Variants in BANP observed in about 807,000 individuals in gnomAD.
The protein encoded by BANP is protein BANP.
BANP carries 11 observed loss-of-function variants against 68.1 expected under a neutral mutation model. The ratio of observed to expected loss-of-function variants is 0.16; its 90% CI spans 0.10 to 0.27. The LOEUF is 0.27. Ranked by LOEUF, BANP falls within the 10% of genes least tolerant of loss-of-function variation. The probability of loss-of-function intolerance (pLI) is 1.00; values close to 1 mark genes in which losing one functional copy is unlikely to be tolerated. For synonymous variants in BANP, 329 were observed against 303.2 expected (o/e 1.09, Z -0.88); for missense variants, 504 against 722.7 (o/e 0.70, Z 3.47).
intron 4 of BANP, among the ~76,000 whole-genome samples, chr16:87,991,564 T>C (rs530757903): frequency 6.6e-6 from 1 of 152,246 alleles, no homozygotes; most frequent in Non-Finnish European, 1.5e-5. Context: ...GTCTTTAATT[T>C]CTCTTAGCAA....
chr16:88,035,229 C>G, intron 9 of BANP, 94 bp from the exon 10 acceptor site: 2 of 1,142,404 alleles, frequency 1.8e-6, no homozygotes, highest in Middle Eastern at 5.6e-4. Flanking sequence ...GAATTGTAAA[C>G]AGATAATCAA....
At chr16:88,015,228 C>T (rs889185149) in intron 6 of BANP, among the ~76,000 whole-genome samples, 1 of 149,198 alleles carries the variant, frequency 6.7e-6, no homozygotes, top group African/African-American at 2.5e-5. Context: ...GTGCCCTCTG[C>T]CTGTGCCCCT....
At chr16:88,060,927 C>T (rs970695682) in intron 11 of BANP, among the ~76,000 whole-genome samples, 2 of 150,328 alleles carry the variant, frequency 1.3e-5, no homozygotes, top group Non-Finnish European at 3.0e-5. Flanking sequence ...CCACAGGCCT[C>T]GGGGTGACTT....
At chr16:88,041,025 G>A (rs1224766140) in intron 11 of BANP, among the ~76,000 whole-genome samples, 4 of 152,236 alleles carry the variant, frequency 2.6e-5, no homozygotes, top group South Asian at 4.1e-4. Flanking sequence ...CCGGCCATCC[G>A]TTTTCCGTCA....
chr16:88,030,347 C>T (rs1267002559), intron 8 of BANP, among the ~76,000 whole-genome samples: 1 of 152,114 alleles, frequency 6.6e-6, no homozygotes, highest in Non-Finnish European at 1.5e-5. Flanking sequence ...AGGAACATAG[C>T]AAGGAGAGAA....
At position 88,004,307 on chromosome 16, in the gene BANP, G is replaced by T; in HGVS notation, c.375G>T (p.Gln125His). 2 of 1,545,120 alleles carry T rather than the reference G, an allele frequency of 1.3e-6. No homozygotes were observed. Among genetic ancestry groups the T allele is most frequent in the Non-Finnish European group, 1.8e-6 (2 of 1,141,706 alleles). Residue 125 changes from glutamine to histidine, a missense_variant, in exon 5 of 14, where the codon CAG (glutamine) becomes CAT (histidine). Gln to His is a conservative substitution (Grantham distance 24). This residue lies in a region of BANP where 238 missense variants were observed against 278.9 expected (regional missense o/e 0.85). Transcript: ENST00000682872. The surrounding 1 kb of genome is among the most constrained non-coding windows in gnomAD (Gnocchi z 7.0). ...TCNKVRCVVP[Q>H]TTVILNNDRQ... ...TTTTGTTCCCTAGCGTCGTCCCCCA[G>T]ACTACAGTAATACTCAACAATGATC...
At chr16:88,075,747 T>A (rs1311573286) in intron 13 of BANP, among the ~76,000 whole-genome samples, 1 of 23,620 alleles carries the variant, frequency 4.2e-5, no homozygotes, top group Non-Finnish European at 1.3e-4. Context: ...TTTCCTTTAC[T>A]TTTTTTTTTT....
chr16:87,984,365 G>A (rs1190254976), intron 4 of BANP, 106 bp downstream of exon 4: 18 of 1,254,918 alleles, frequency 1.4e-5, no homozygotes, highest in Middle Eastern at 5.1e-4. Flanking sequence ...GGAGATGCGC[G>A]GTGTCTGCCT....
At chr16:88,049,928 T>C (rs979123168) in intron 11 of BANP, among the ~76,000 whole-genome samples, 4 of 152,220 alleles carry the variant, frequency 2.6e-5, no homozygotes, top group African/African-American at 9.7e-5. Context: ...GGGATTTAGA[T>C]TACATACAGC....
intron 1 of BANP, among the ~76,000 whole-genome samples, chr16:87,955,904 C>G (rs2057953241): frequency 6.6e-6 from 1 of 152,206 alleles, no homozygotes; most frequent in Admixed American, 6.5e-5. Flanking sequence ...GCCAGTGCGT[C>G]TCAAGTGTCC....
intron 7 of BANP, among the ~76,000 whole-genome samples, chr16:88,021,240 G>A (rs2075974733): frequency 1.3e-5 from 2 of 152,278 alleles, no homozygotes; most frequent in Non-Finnish European, 2.9e-5. Context: ...CCACTGGCCC[G>A]GCCTCCCCAG....
intron 11 of BANP, among the ~76,000 whole-genome samples, chr16:88,054,907 G>A (rs1204417197): frequency 2.0e-5 from 3 of 152,184 alleles, no homozygotes; most frequent in Non-Finnish European, 4.4e-5. Flanking sequence ...GGTTTGAACA[G>A]TTAGTACCAA....
intron 8 of BANP, among the ~76,000 whole-genome samples, chr16:88,031,107 T>C (rs1403300848): frequency 6.6e-6 from 1 of 152,144 alleles, no homozygotes; most frequent in Admixed American, 6.5e-5. Context: ...TGGTGGTGAG[T>C]GCTCCGTAAC....
intron 10 of BANP, chr16:88,037,135 GGAAAATTGAAACA>G (rs2079562585): frequency 6.6e-6 from 1 of 152,120 alleles, no homozygotes; most frequent in South Asian, 2.1e-4. Context: ...TGAAAATGCA[GGAAAATTGAAACA>G]GCAGCAAAAG....
At position 88,072,119 on chromosome 16, in the gene BANP, G is replaced by A. The variant is rs8050209; in HGVS notation, c.1428G>A (p.Ala476=). ...CCGTGGCCTCCTCGGACCCCGCGGC[G>A]GCGGGCGTGGATGGGTCGCCACTCC... ...LIAVASSDPA[A]AGVDGSPLQG... Residue 476 remains alanine, a synonymous_variant, in exon 13 of 14, where the codon GCG becomes GCA. Coordinates refer to ENST00000682872, the MANE Select transcript of BANP (RefSeq NM_001386991.1). 825,166 of 1,605,528 alleles carry A rather than the reference G, an allele frequency of 0.51. 214,779 individuals carry two copies. The highest frequency in any genetic ancestry group is 0.57 in the Middle Eastern group (3,396 of 5,968).
At chr16:88,033,995 C>T (rs1227650616) in intron 9 of BANP, among the ~76,000 whole-genome samples, 3 of 152,154 alleles carry the variant, frequency 2.0e-5, no homozygotes, top group Non-Finnish European at 2.9e-5. Flanking sequence ...GCACCAGCCC[C>T]CTTGGGCCCT....
At chr16:88,044,677 A>G (rs1228782908) in intron 11 of BANP, among the ~76,000 whole-genome samples, 2 of 152,218 alleles carry the variant, frequency 1.3e-5, no homozygotes, top group Admixed American at 6.5e-5. Flanking sequence ...TAATTAAGTA[A>G]TTTTTAAAAA....
At chr16:87,954,999 G>A (rs1017438637) in intron 1 of BANP, among the ~76,000 whole-genome samples, 2 of 152,234 alleles carry the variant, frequency 1.3e-5, no homozygotes, top group Non-Finnish European at 2.9e-5. Flanking sequence ...GGTGGCTCTG[G>A]CCCTGTGGCC....
At chr16:88,023,284 C>G (rs1598544189) in intron 7 of BANP, among the ~76,000 whole-genome samples, 3 of 152,246 alleles carry the variant, frequency 2.0e-5, no homozygotes, top group Non-Finnish European at 4.4e-5. Context: ...GTGAGGGGCT[C>G]TCTGGCTAAC....
Sources: allele counts gnomAD v4.1 joint callset (sites outside exome capture counted in the v4.1 genomes callset), GRCh38; gene constraint gnomAD v4.1.1; regional missense constraint gnomAD v4.1.1; non-coding constraint Gnocchi (gnomAD v3.1); transcripts MANE v1.5; gene names NCBI Gene and HGNC (gene_info 2026-07-23, HGNC 2026-07-21).